PSD3: variants seen among roughly 807,000 people sequenced by gnomAD.
The protein encoded by PSD3 is pleckstrin and Sec7 domain containing 3.
Under a neutral mutation model 105.5 loss-of-function variants are expected in PSD3, and 49 were observed. The ratio of observed to expected loss-of-function variants is 0.46; its 90% CI spans 0.37 to 0.59. The LOEUF (loss-of-function observed/expected upper bound fraction) is 0.59, where lower values mean the gene tolerates loss of function less well. Ranked by LOEUF, PSD3 falls within the 20% of genes least tolerant of loss-of-function variation. PSD3 has a pLI of 0.00. For synonymous variants in PSD3, 557 were observed against 457.8 expected (o/e 1.22, Z -2.77); for missense variants, 1,561 against 1,263.8 (o/e 1.24, Z -3.57).
At chr8:18,575,866 G>C (rs1273142253) in intron 12 of PSD3, among the ~76,000 whole-genome samples, 1 of 151,480 alleles carries the variant, frequency 6.6e-6, no homozygotes, top group African/African-American at 2.4e-5. Flanking sequence ...CAATAATCAG[G>C]TGAAAGCTTA....
Position 18,638,951 on chromosome 8 carries a change from AT to A in PSD3, c.2217-6146del, listed in dbSNP as rs145785370. On this transcript the variant is annotated intron_variant, in intron 10 of 15. Transcript: ENST00000327040. Reference sequence around the variant, plus strand: ...CTGGAAAAGGTTTCAAGAATATATAATGGGGGAAACTACAGAATCAGGTGCC... The same window carrying A: ...CTGGAAAAGGTTTCAAGAATATATAAGGGGGAAACTACAGAATCAGGTGCC... Among the ~76,000 whole-genome samples, 629 of 152,340 alleles carry A rather than the reference AT, an allele frequency of 4.1e-3. 4 individuals carry two copies. Among genetic ancestry groups the A allele is most frequent in the African/African-American group, 0.014 (601 of 41,582 alleles).
intron 1 of PSD3, among the ~76,000 whole-genome samples, chr8:18,960,719 A>G (rs1201064572): frequency 6.6e-6 from 1 of 152,212 alleles, no homozygotes; most frequent in Non-Finnish European, 1.5e-5. Context: ...TAAAGAGCTG[A>G]AAATGAGGCT....
chr8:18,727,737 GAA>G (rs1803441475), intron 9 of PSD3, among the ~76,000 whole-genome samples: 1 of 151,942 alleles, frequency 6.6e-6, no homozygotes, highest in Non-Finnish European at 1.5e-5. Context: ...AGTTACAGAC[GAA>G]AAGTCTCTTT....
chr8:18,805,421 A>G (rs894856049), intron 4 of PSD3, among the ~76,000 whole-genome samples: 4 of 152,212 alleles, frequency 2.6e-5, no homozygotes, highest in African/African-American at 9.6e-5. Context: ...GTTGAAACAC[A>G]TTAAGAAAAT....
intron 2 of PSD3, among the ~76,000 whole-genome samples, chr8:18,896,506 T>C (rs550825837): frequency 3.9e-5 from 6 of 152,124 alleles, no homozygotes; most frequent in Non-Finnish European, 7.4e-5. Context: ...CTTGACCCCC[T>C]GGGATCAAGT....
At chr8:18,943,997 C>G (rs1822711230) in intron 1 of PSD3, among the ~76,000 whole-genome samples, 1 of 152,084 alleles carries the variant, frequency 6.6e-6, no homozygotes, top group Non-Finnish European at 1.5e-5. Context: ...TTAACCAGAT[C>G]CTCCTACAGT....
intron 4 of PSD3, among the ~76,000 whole-genome samples, chr8:18,853,608 G>A (rs1815765612): frequency 6.6e-6 from 1 of 152,068 alleles, no homozygotes; most frequent in East Asian, 1.9e-4. Context: ...TCAGTAAAAC[G>A]TTGAATTCTA....
At chr8:18,554,895 C>A (rs2130128959) in intron 15 of PSD3, among the ~76,000 whole-genome samples, 1 of 152,164 alleles carries the variant, frequency 6.6e-6, no homozygotes, top group African/African-American at 2.4e-5. Context: ...GGAAGAGCAT[C>A]TTAGGCAGAG....
intron 9 of PSD3, among the ~76,000 whole-genome samples, chr8:18,726,805 G>C (rs545802012): frequency 1.3e-5 from 2 of 152,120 alleles, no homozygotes; most frequent in Non-Finnish European, 2.9e-5. Context: ...ACCACGCTTC[G>C]GGGCTCTAAC....
At chr8:19,073,762 G>T (rs1201633728) in intron 1 of PSD3, among the ~76,000 whole-genome samples, 3 of 151,076 alleles carry the variant, frequency 2.0e-5, no homozygotes, top group Non-Finnish European at 4.4e-5. Context: ...GCTCTGATTT[G>T]CTATTCAAAC....
At position 18,668,343 on chromosome 8, in the gene PSD3, T is replaced by G. The variant is rs79251002; in HGVS notation, c.2173-12658A>C. Among the ~76,000 whole-genome samples the G allele has an allele frequency of 5.1e-3, 780 of 152,360 alleles. 17 individuals carry two copies. Among genetic ancestry groups the G allele is most frequent in the East Asian group, 0.039 (202 of 5,182 alleles). Reference sequence around the variant, plus strand: ...GATTTATAGACAAACTTCTGAATATTTCATGTTTCGCCTGGTATTTCTGAC... The same window carrying G: ...GATTTATAGACAAACTTCTGAATATGTCATGTTTCGCCTGGTATTTCTGAC... On this transcript the variant is annotated intron_variant, in intron 9 of 15. Transcript: ENST00000327040.
At chr8:18,543,839 C>G (rs1339976452) in intron 15 of PSD3, among the ~76,000 whole-genome samples, 1 of 152,112 alleles carries the variant, frequency 6.6e-6, no homozygotes, top group East Asian at 1.9e-4. Context: ...CATATATTTA[C>G]ATGGATCTCA....
intron 1 of PSD3, among the ~76,000 whole-genome samples, chr8:19,019,507 A>G (rs980834577): frequency 1.3e-5 from 2 of 152,210 alleles, no homozygotes; most frequent in African/African-American, 2.4e-5. Context: ...CACAGATAGG[A>G]TGCCTTATAG....
At chr8:18,891,688 CCT>C (rs1471268026) in intron 2 of PSD3, among the ~76,000 whole-genome samples, 1 of 151,530 alleles carries the variant, frequency 6.6e-6, no homozygotes, top group Non-Finnish European at 1.5e-5. Flanking sequence ...CTCTTTTTAC[CCT>C]GTTTTAGTGA....
chr8:18,752,582 T>C (rs1805657989), intron 9 of PSD3, among the ~76,000 whole-genome samples: 1 of 76,488 alleles, frequency 1.3e-5, no homozygotes, highest in Non-Finnish European at 2.2e-5. Flanking sequence ...TATAATTATA[T>C]ATATTATATA....
At chr8:18,958,955 C>T (rs895108095) in intron 1 of PSD3, among the ~76,000 whole-genome samples, 11 of 146,746 alleles carry the variant, frequency 7.5e-5, no homozygotes, top group Non-Finnish European at 1.6e-4. Flanking sequence ...GAGTCTTGTT[C>T]TGTTGCCCAG....
rs376212645 is a variant in PSD3, at chr8:18,530,092, C to T, written c.*5651G>A. The T allele has an allele frequency of 3.3e-5, 5 of 152,684 alleles. 1 individual carries two copies. The East Asian group carries it at 5.8e-4, about 18-fold the overall frequency. 9.5% of individuals were successfully genotyped at this position (152,684 alleles called of 1,614,324 possible). ...ACTCTCTGAATCAGCTACAAAGACA[C>T]GAGGCAGTGTGTTTAAACAAAAGAC... On this transcript the variant is annotated 3_prime_UTR_variant, in exon 16 of 16. Coordinates refer to ENST00000327040, the MANE Select transcript of PSD3 (RefSeq NM_015310.4).
chr8:18,685,146 T>C (rs1485140039), intron 9 of PSD3, among the ~76,000 whole-genome samples: 1 of 152,254 alleles, frequency 6.6e-6, no homozygotes, highest in African/African-American at 2.4e-5. Context: ...TTTAAACTTT[T>C]CCTTTACAAC....
chr8:18,827,632 G>C (rs1225861612), intron 4 of PSD3, among the ~76,000 whole-genome samples: 1 of 152,186 alleles, frequency 6.6e-6, no homozygotes, highest in Non-Finnish European at 1.5e-5. Flanking sequence ...TGTTTTTTAA[G>C]AGGGTGAGAC....
Sources: gnomAD v4.1 joint callset for allele counts (sites outside exome capture counted in the v4.1 genomes callset) on GRCh38, gnomAD v4.1.1 for gene constraint, MANE v1.5 for transcripts, NCBI Gene and HGNC (gene_info 2026-07-23, HGNC 2026-07-21) for gene names.